Variants in LPIN3 observed in about 807,000 individuals in gnomAD.
LPIN3 encodes the protein lipin 3, also known as phosphatidate phosphatase LPIN3.
Under a neutral mutation model 94.7 loss-of-function variants are expected in LPIN3, and 82 were observed. The observed-to-expected ratio is 0.87, with a 90% confidence interval of 0.72 to 1.04. The LOEUF (loss-of-function observed/expected upper bound fraction) is 1.04, where lower values mean the gene tolerates loss of function less well. Ranked by LOEUF, LPIN3 falls within the 50% of genes least tolerant of loss-of-function variation. LPIN3 has a pLI of 0.00. For synonymous variants in LPIN3, 418 were observed against 443.3 expected, an observed-to-expected ratio of 0.94 and a Z score of 0.72; for missense variants, 996 against 1,090.5, an observed-to-expected ratio of 0.91 and a Z score of 1.22.
Position 41,348,887 on chromosome 20 carries a change from G to T in LPIN3, c.557G>T (p.Gly186Val), listed in dbSNP as rs763894638. ...GAAAAGCTGAGGCCAGAGCCCCCAGGGTGTGTAAGGACCAAGGGACTTGAA... is the reference window on the plus strand; with the variant it reads ...GAAAAGCTGAGGCCAGAGCCCCCAGTGTGTGTAAGGACCAAGGGACTTGAA... ...LPEKLRPEPP[G>V]VQLEEKSSLQ... The change falls in exon 4 of 20, where the codon GGT (glycine) becomes GTT (valine). Residue 186 changes from glycine (G) to valine (V), a missense_variant and splice_region_variant. Coordinates refer to ENST00000373257, the MANE Select transcript of LPIN3 (RefSeq NM_022896.3). 4 of 1,601,856 alleles carry T rather than the reference G, an allele frequency of 2.5e-6. No individual in the cohort carries two copies. In the South Asian group the frequency reaches 4.5e-5, roughly 18 times the overall value.
intron 3 of LPIN3, among the ~76,000 whole-genome samples, chr20:41,348,029 G>GT (rs2045849644): frequency 6.6e-6 from 1 of 152,184 alleles, no homozygotes; most frequent in South Asian, 2.1e-4. Context: ...CCAGCTCCGT[G>GT]TGGCTGGAAC....
chr20:41,345,958 T>C lies in LPIN3; in HGVS notation c.155T>C (p.Phe52Ser). The change falls in exon 2 of 20, where the codon TTT (phenylalanine) becomes TCT (serine). Residue 52 changes from phenylalanine (F) to serine (S), a missense_variant. By Grantham distance (155) the Phe-to-Ser change is radical. Transcript: ENST00000373257. ...CGGTGCTCACCCTTCCACGTGCGTT[T>C]TGGCAAGCTGGGCGTCCTGCGGTCG... ...SFRCSPFHVR[F>S]GKLGVLRSRE... 1 of 1,614,104 alleles carries C rather than the reference T, an allele frequency of 6.2e-7. No individual in the cohort carries two copies. The highest frequency in any genetic ancestry group is 8.5e-7 in the Non-Finnish European group (1 of 1,180,018).
rs142395986 is a variant in LPIN3, at chr20:41,356,117, T to C, written c.1803+83T>C. The C allele has an allele frequency of 1.2e-4, 183 of 1,547,402 alleles. 1 individual carries two copies. The East Asian group carries it at 4.0e-3, about 34-fold the overall frequency. On this transcript the variant is annotated intron_variant, in intron 14 of 19. Coordinates refer to ENST00000373257, the MANE Select transcript of LPIN3 (RefSeq NM_022896.3). ...AGTCCCTCAGGACCTGGCTGAGAAATGGCTCCAGGGAGCCACATGTTCACC... is the reference window on the plus strand; with the variant it reads ...AGTCCCTCAGGACCTGGCTGAGAAACGGCTCCAGGGAGCCACATGTTCACC...
At chr20:41,354,762 G>A in intron 12 of LPIN3, 25 bp downstream of exon 12, 2 of 1,609,208 alleles carry the variant, frequency 1.2e-6, no homozygotes, top group Non-Finnish European at 1.7e-6. Flanking sequence ...TCGAGGGCCA[G>A]GGCCAGGGCC....
intron 11 of LPIN3, 132 bp downstream of exon 11, chr20:41,352,999 C>T: frequency 1.0e-6 from 1 of 1,002,088 alleles, no homozygotes; most frequent in Non-Finnish European, 1.5e-6. Context: ...CTGCAAGACT[C>T]ACTCTGGGAG....
At chr20:41,354,098 GT>G (rs2046122498) in intron 11 of LPIN3, among the ~76,000 whole-genome samples, 1 of 152,210 alleles carries the variant, frequency 6.6e-6, no homozygotes. Flanking sequence ...TCTCCCTGGG[GT>G]TATCTATAAT....
intron 2 of LPIN3, among the ~76,000 whole-genome samples, chr20:41,346,390 A>G (rs560372568): frequency 6.6e-6 from 1 of 152,228 alleles, no homozygotes; most frequent in Non-Finnish European, 1.5e-5. Flanking sequence ...AACTGATAAT[A>G]CTGTCTCAGG....
intron 16 of LPIN3, 41 bp from the exon 17 acceptor site, chr20:41,357,841 G>A: frequency 1.9e-6 from 3 of 1,611,832 alleles, no homozygotes; most frequent in Non-Finnish European, 2.5e-6. Flanking sequence ...GGGGCTGGCT[G>A]GTCTCTGATG....
intron 7 of LPIN3, among the ~76,000 whole-genome samples, chr20:41,351,269 T>G (rs2046001001): frequency 6.7e-6 from 1 of 149,898 alleles, no homozygotes; most frequent in Admixed American, 6.7e-5. Flanking sequence ...AAAATTAAAT[T>G]AAATTAATTG....
At chr20:41,347,340 G>A (rs147178085) in intron 2 of LPIN3, among the ~76,000 whole-genome samples, 93 of 152,324 alleles carry the variant, frequency 6.1e-4, no homozygotes, top group African/African-American at 2.1e-3. Context: ...GAGATGGGTA[G>A]GGAGCTCAGT....
chr20:41,358,807 A>G lies in LPIN3; in HGVS notation c.2497A>G (p.Ser833Gly), dbSNP rs1420548786. ...PSTDLANPEY[S>G]NFCYWREPLP... ...CACAGACCTGGCCAACCCTGAATAC[A>G]GTAACTTCTGCTACTGGCGGGAGCC... Residue 833 changes from serine (S) to glycine (G), a missense_variant, in exon 20 of 20, where the codon AGT becomes GGT. Coordinates refer to ENST00000373257, the MANE Select transcript of LPIN3 (RefSeq NM_022896.3). 6.2e-7 allele frequency: 1 copy of G among 1,613,958 alleles called. No homozygotes were observed. The highest frequency in any genetic ancestry group is 1.1e-5 in the South Asian group (1 of 91,080).
chr20:41,343,851 G>A (rs1459675495), intron 1 of LPIN3, among the ~76,000 whole-genome samples: 1 of 152,214 alleles, frequency 6.6e-6, no homozygotes, highest in African/African-American at 2.4e-5. Context: ...CTTGAGTCCA[G>A]GAGTTTGAGA....
At chr20:41,347,450 T>G in intron 2 of LPIN3, 102 bp from the exon 3 acceptor site, 6 of 1,047,496 alleles carry the variant, frequency 5.7e-6, no homozygotes, top group South Asian at 1.3e-5. Flanking sequence ...GCAAGTATGG[T>G]GTTTGGGGCG....
intron 7 of LPIN3, among the ~76,000 whole-genome samples, chr20:41,350,816 G>A (rs923612286): frequency 2.6e-5 from 4 of 152,168 alleles, no homozygotes; most frequent in African/African-American, 9.7e-5. Context: ...AATGGAAGAC[G>A]GCCGGGATAG....
chr20:41,352,978 G>A, intron 11 of LPIN3, 111 bp downstream of exon 11: 1 of 1,209,878 alleles, frequency 8.3e-7, no homozygotes, highest in South Asian at 1.2e-5. Context: ...TGGGAGCCAG[G>A]GGCTAGCTGG....
At chr20:41,349,037 C>T in intron 4 of LPIN3, 55 bp from the exon 5 acceptor site, 1 of 1,601,094 alleles carries the variant, frequency 6.2e-7, no homozygotes, top group Non-Finnish European at 8.6e-7. Context: ...GGCTCTCATG[C>T]CTGCCTGGGG....
chr20:41,349,288 C>T (rs762686827), intron 5 of LPIN3, 116 bp downstream of exon 5: 11 of 828,698 alleles, frequency 1.3e-5, no homozygotes, highest in African/African-American at 1.7e-5. Flanking sequence ...ACTAGCCATT[C>T]GTATTTTTCC....
chr20:41,352,110 C>T lies in LPIN3; in HGVS notation c.1253C>T (p.Ser418Phe). ...TGGAGTGAACCCAGCAGTCAGAAGT[C>T]CCTGAGGGACCCCAACCCTGAACAT... ...RRWSEPSSQKSLRDPNPEHEP... is the reference protein window; with the variant it reads ...RRWSEPSSQKFLRDPNPEHEP... Residue 418 changes from serine (S) to phenylalanine (F), a missense_variant, in exon 9 of 20, where the codon TCC becomes TTC. Physicochemically the swap from Ser to Phe is radical, Grantham distance 155. Coordinates refer to ENST00000373257, the MANE Select transcript of LPIN3 (RefSeq NM_022896.3). The T allele has an allele frequency of 1.2e-6, 2 of 1,614,232 alleles. No individual in the cohort carries two copies. The highest frequency in any genetic ancestry group is 1.7e-6 in the Non-Finnish European group (2 of 1,180,038).
intron 2 of LPIN3, 35 bp downstream of exon 2, chr20:41,346,030 G>A (rs1428946601): frequency 1.3e-6 from 2 of 1,594,188 alleles, no homozygotes; most frequent in Non-Finnish European, 1.7e-6. Flanking sequence ...GGCTACTGCA[G>A]AGTGGGCTTT....
Sources: gnomAD v4.1 joint callset for allele counts (sites outside exome capture counted in the v4.1 genomes callset) on GRCh38, gnomAD v4.1.1 for gene constraint, MANE v1.5 for transcripts, NCBI Gene and HGNC (gene_info 2026-07-23, HGNC 2026-07-21) for gene names.